Variants in TMEM145 observed in about 807,000 individuals in gnomAD.
TMEM145 encodes the protein transmembrane protein 145.
In TMEM145, 46 loss-of-function variants were observed where a neutral mutation model predicts 68.5. That is an observed-to-expected ratio of 0.67 (90% CI 0.53 to 0.86). TMEM145 has a LOEUF of 0.86. TMEM145 is among the 40% of genes least tolerant of loss of function. The pLI is 0.00. For missense variants in TMEM145, 570 were observed against 645.8 expected, an observed-to-expected ratio of 0.88 and a Z score of 1.27; for synonymous variants, 255 against 280.2, an observed-to-expected ratio of 0.91 and a Z score of 0.90.
intron 13 of TMEM145, among the ~76,000 whole-genome samples, chr19:42,323,040 T>C (rs747710776): frequency 6.6e-6 from 1 of 152,248 alleles, no homozygotes; most frequent in Non-Finnish European, 1.5e-5. Context: ...CCAGGCATGG[T>C]TCTAGAAGGT....
intron 12 of TMEM145, among the ~76,000 whole-genome samples, chr19:42,319,122 AAAAC>A (rs1397177867): frequency 6.6e-6 from 1 of 152,110 alleles, no homozygotes; most frequent in African/African-American, 2.4e-5. Context: ...ACAAAACAAA[AAAAC>A]ACCCAAAACT....
intron 13 of TMEM145, chr19:42,321,205 A>G: frequency 2.5e-6 from 1 of 397,296 alleles, no homozygotes; most frequent in South Asian, 1.3e-4. Context: ...TGGGTCGGCA[A>G]CAGGAGGGTA....
chr19:42,321,365 G>C (rs138489093), intron 13 of TMEM145: 1 of 360,102 alleles, frequency 2.8e-6, no homozygotes, highest in Admixed American at 4.7e-5. Flanking sequence ...ACAGGAGCAC[G>C]CCACCATGCC....
chr19:42,320,504 C>T, intron 13 of TMEM145, 67 bp downstream of exon 13: 1 of 1,601,096 alleles, frequency 6.2e-7, no homozygotes, highest in Non-Finnish European at 8.5e-7. Flanking sequence ...GAGGCTCCTA[C>T]ACCTGATCTG....
Position 42,314,778 on chromosome 19 carries a change from T to C in TMEM145, c.361-14T>C. ...GCATCAAGGACAGGCTTCAGCCTTC[T>C]CGTTTGTCCCCAGGTGGTATCAGAG... On this transcript the variant is annotated splice_polypyrimidine_tract_variant and intron_variant, in intron 4 of 14. Coordinates refer to ENST00000301204, the MANE Select transcript of TMEM145 (RefSeq NM_173633.3). 3.1e-6 allele frequency: 5 copies of C among 1,614,196 alleles called. No individual in the cohort carries two copies. The highest frequency in any genetic ancestry group is 4.2e-6 in the Non-Finnish European group (5 of 1,180,018).
In TMEM145 at chr19:42,316,561, G is replaced by A. The variant is rs749824988; in HGVS notation, c.727G>A (p.Ala243Thr). 3.1e-6 allele frequency: 5 copies of A among 1,614,132 alleles called. No homozygotes were observed. The highest frequency in any genetic ancestry group is 4.2e-6 in the Non-Finnish European group (5 of 1,179,992). Residue 243 changes from alanine (A) to threonine (T), a missense_variant and splice_region_variant, in exon 9 of 15, where the codon GCC becomes ACC. By Grantham distance (58) the Ala-to-Thr change is moderately conservative. Transcript: ENST00000301204. ...GIGNESVKIL[A>T]KLLFSSSFLI... The stretch of plus-strand genomic sequence containing the variant: ...TGGCAACGAGAGTGTGAAGATCTTG[G>A]GTGAGAATGAAGCTGGGTGGGGAGA...
At chr19:42,322,837 G>C (rs1402706418) in intron 13 of TMEM145, among the ~76,000 whole-genome samples, 1 of 151,882 alleles carries the variant, frequency 6.6e-6, no homozygotes, top group East Asian at 1.9e-4. Flanking sequence ...CAAGTAGCTG[G>C]GATTACAGGC....
intron 12 of TMEM145, among the ~76,000 whole-genome samples, chr19:42,318,612 G>A (rs1444845717): frequency 2.6e-5 from 4 of 151,682 alleles, no homozygotes; most frequent in South Asian, 2.1e-4. Context: ...GCTTGAACCC[G>A]GGAGGCAGAG....
chr19:42,324,700 GT>G, intron 14 of TMEM145, 36 bp from the exon 15 acceptor site: 1 of 1,424,664 alleles, frequency 7.0e-7, no homozygotes, highest in Non-Finnish European at 9.1e-7. Flanking sequence ...GTGCCAAACG[GT>G]CCCGCGGGAG....
chr19:42,315,331 C>T (rs1439945483), intron 7 of TMEM145, 41 bp from the exon 8 acceptor site: 3 of 1,614,002 alleles, frequency 1.9e-6, no homozygotes, highest in African/African-American at 1.3e-5. Flanking sequence ...GCTGCTCTCC[C>T]TTTCTGCCTG....
Position 42,313,446 on chromosome 19 carries a change from C to A in TMEM145, c.70C>A (p.Pro24Thr). 2 of 1,367,946 alleles carry A rather than the reference C, an allele frequency of 1.5e-6. No individual in the cohort carries two copies. The highest frequency in any genetic ancestry group is 1.9e-6 in the Non-Finnish European group (2 of 1,057,004). The allele number at this position is 1,367,946 out of a possible 1,614,324, so 84.7% of individuals were successfully genotyped here. A position where few individuals can be genotyped will look rare whatever the true frequency, so the allele number is the denominator to read the frequency against. Residue 24 changes from proline (P) to threonine (T), a missense_variant, in exon 1 of 15, where the codon CCC becomes ACC. Pro to Thr is a conservative substitution (Grantham distance 38). Coordinates refer to ENST00000301204, the MANE Select transcript of TMEM145 (RefSeq NM_173633.3). This position sits in a 1 kb window ranked among gnomAD's most constrained non-coding sequence, Gnocchi z 5.1. ...PPLLLLLLSLPPRARAKYVRG... is the reference protein window; with the variant it reads ...PPLLLLLLSLTPRARAKYVRG... Reference sequence around the variant, plus strand: ...GCTGCTGCTCCTGCTGCTGTCACTGCCCCCCCGCGCCCGGGCCAAGTACGT... The same window carrying A: ...GCTGCTGCTCCTGCTGCTGTCACTGACCCCCCGCGCCCGGGCCAAGTACGT...
At chr19:42,322,325 C>T (rs1192156052) in intron 13 of TMEM145, among the ~76,000 whole-genome samples, 3 of 152,148 alleles carry the variant, frequency 2.0e-5, no homozygotes, top group East Asian at 1.9e-4. Context: ...TCCAAGTAGG[C>T]GCTACAGTCC....
chr19:42,314,686 G>A lies in TMEM145; in HGVS notation c.347G>A (p.Trp116Ter). The A allele has an allele frequency of 6.2e-7, 1 of 1,614,196 alleles. No individual in the cohort carries two copies. Among genetic ancestry groups the A allele is most frequent in the Non-Finnish European group, 8.5e-7 (1 of 1,180,032 alleles). Residue 116 changes from tryptophan (W) to a stop codon, truncating the protein, a stop_gained, in exon 4 of 15, where the codon TGG becomes TAG. Transcript: ENST00000301204. LOFTEE classifies it high-confidence loss of function. ...QVINLTTQYA[W>*]SGCQVVSEEG... ...ATCAACCTCACCACCCAGTATGCCT[G>A]GTCCGGCTGTCAGGTGCAGGCTCAG...
In TMEM145 at chr19:42,317,923, G is replaced by A. The variant is rs1272836734; in HGVS notation, c.1073+42G>A. 5.6e-6 allele frequency: 9 copies of A among 1,609,636 alleles called. 1 individual carries two copies. Among genetic ancestry groups the A allele is most frequent in the South Asian group, 2.2e-5 (2 of 90,836 alleles). ...CCCAGCCTGTCCCTGCCTCCCTCTC[G>A]GGGCTCCCCAGAAGTGGTTGCCCCC... On this transcript the variant is annotated intron_variant, in intron 12 of 14. Transcript: ENST00000301204.
At chr19:42,316,143 G>A (rs2147414811) in intron 8 of TMEM145, among the ~76,000 whole-genome samples, 1 of 150,174 alleles carries the variant, frequency 6.7e-6, no homozygotes, top group Admixed American at 6.6e-5. Context: ...TGGGGGTCTG[G>A]ACCCCTGGGT....
rs1264577421 is a variant in TMEM145 at position 42,313,369 on chromosome 19, C to T, written c.-8C>T. 5.4e-6 allele frequency: 6 copies of T among 1,116,840 alleles called. No individual in the cohort carries two copies. In the South Asian group the frequency reaches 1.1e-4, roughly 20 times the overall value. The allele number at this position is 1,116,840 out of a possible 1,614,324, so 69.2% of individuals were successfully genotyped here. A position where few individuals can be genotyped will look rare whatever the true frequency, so the allele number is the denominator to read the frequency against. ...AGCCGGAGCGGAGCCGGGGCCGGAG[C>T]GGGCGGAATGGAGCCCCTGCGCGCG... On this transcript the variant is annotated 5_prime_UTR_variant, in exon 1 of 15. Coordinates refer to ENST00000301204, the MANE Select transcript of TMEM145 (RefSeq NM_173633.3). This position sits in a 1 kb window ranked among gnomAD's most constrained non-coding sequence, Gnocchi z 5.1.
Position 42,320,407 on chromosome 19 carries a change from G to T in TMEM145, c.1164G>T (p.Gly388=). The T allele has an allele frequency of 6.2e-7, 1 of 1,614,126 alleles. No homozygotes were observed. The highest frequency in any genetic ancestry group is 8.5e-7 in the Non-Finnish European group (1 of 1,180,030). Residue 388 remains glycine (G), a synonymous_variant, in exon 13 of 15, where the codon GGG becomes GGT. Coordinates refer to ENST00000301204, the MANE Select transcript of TMEM145 (RefSeq NM_173633.3). ...AGATTGTCAATGGCATCCAGCTGGGGATCCACTTGTACGCCCATGGCGTGT... is the reference window on the plus strand; with the variant it reads ...AGATTGTCAATGGCATCCAGCTGGGTATCCACTTGTACGCCCATGGCGTGT... ...REKIVNGIQL[G]IHLYAHGVFL...
Position 42,313,643 on chromosome 19 carries a change from C to A in TMEM145, c.120+147C>A. The stretch of plus-strand genomic sequence containing the variant: ...GAGTGGGGCCGAGGGCGATGGGGGA[C>A]TGGGCCAGAGTCGAGGCTAAGGGGA... On this transcript the variant is annotated intron_variant, in intron 1 of 14. Coordinates refer to ENST00000301204, the MANE Select transcript of TMEM145 (RefSeq NM_173633.3). The surrounding 1 kb of genome is among the most constrained non-coding windows in gnomAD (Gnocchi z 5.1). 1 of 579,948 alleles carries A rather than the reference C, an allele frequency of 1.7e-6. No homozygotes were observed. The highest frequency in any genetic ancestry group is 2.6e-6 in the Non-Finnish European group (1 of 389,634). The allele number at this position is 579,948 out of a possible 1,614,324, so 35.9% of individuals were successfully genotyped here.
intron 13 of TMEM145, among the ~76,000 whole-genome samples, chr19:42,320,701 C>T (rs1440692544): frequency 1.3e-5 from 2 of 151,850 alleles, no homozygotes; most frequent in South Asian, 2.1e-4. Context: ...GATCTCGGCT[C>T]CCTGCAAACT....
Sources: allele counts gnomAD v4.1 joint callset (sites outside exome capture counted in the v4.1 genomes callset), GRCh38; gene constraint gnomAD v4.1.1; non-coding constraint Gnocchi (gnomAD v3.1); transcripts MANE v1.5; gene names NCBI Gene and HGNC (gene_info 2026-07-23, HGNC 2026-07-21).